The following PRKCZ variants were observed in gnomAD, a reference collection of about 807,000 sequenced individuals.
The protein encoded by PRKCZ is protein kinase C zeta type.
PRKCZ carries 33 observed loss-of-function variants against 79.5 expected under a neutral mutation model. The ratio of observed to expected loss-of-function variants is 0.41; its 90% CI spans 0.31 to 0.55. The LOEUF is 0.55. Ranked by LOEUF, PRKCZ falls within the 20% of genes least tolerant of loss-of-function variation. PRKCZ has a pLI of 0.19. For missense variants in PRKCZ, 578 were observed against 813.5 expected (o/e 0.71, Z 3.52); for synonymous variants, 342 against 320.9 (o/e 1.07, Z -0.70).
At chr1:2,050,076 C>G (rs1020124188), upstream of PRKCZ, 1 of 152,258 alleles carries the variant, frequency 6.6e-6, no homozygotes, top group Non-Finnish European at 1.5e-5. Context: ...GCAGGAGTTT[C>G]GATTCGGAGG....
intron 4 of PRKCZ, among the ~76,000 whole-genome samples, chr1:2,103,212 C>T (rs1170253074): frequency 2.0e-5 from 3 of 152,156 alleles, no homozygotes; most frequent in African/African-American, 7.2e-5. Flanking sequence ...CACAGTGGGT[C>T]TTACACTGTG....
At chr1:2,130,466 C>CA (rs1167223094) in intron 4 of PRKCZ, among the ~76,000 whole-genome samples, 2 of 152,242 alleles carry the variant, frequency 1.3e-5, no homozygotes, top group African/African-American at 4.8e-5. Context: ...GATGCCTGCC[C>CA]AAAACTCCCA....
intron 4 of PRKCZ, chr1:2,073,839 G>A: frequency 9.5e-7 from 1 of 1,051,116 alleles, no homozygotes. Flanking sequence ...CGCAGCATCA[G>A]CTCGTCAACG....
At chr1:2,116,326 G>A (rs1236049762) in intron 4 of PRKCZ, 2 of 152,206 alleles carry the variant, frequency 1.3e-5, no homozygotes, top group Non-Finnish European at 2.9e-5. Flanking sequence ...CTGCTTCTCC[G>A]AGGCTCCCGG....
chr1:2,074,414 G>T, intron 4 of PRKCZ: 8 of 1,245,032 alleles, frequency 6.4e-6, no homozygotes, highest in Non-Finnish European at 8.9e-6. Flanking sequence ...CACTGTGGCC[G>T]ATGCTTTTTG....
intron 4 of PRKCZ, among the ~76,000 whole-genome samples, chr1:2,134,181 G>T (rs981181481): frequency 6.6e-6 from 1 of 152,236 alleles, no homozygotes; most frequent in African/African-American, 2.4e-5. Flanking sequence ...TCTTTGACCT[G>T]CGCTCCTGGA....
At chr1:2,116,368 G>C (rs1670769948) in intron 4 of PRKCZ, 1 of 152,244 alleles carries the variant, frequency 6.6e-6, no homozygotes, top group Admixed American at 6.5e-5. Flanking sequence ...AAAGGTGCCT[G>C]TTCCAGTCTT....
At chr1:2,081,912 G>A (rs1282303634) in intron 4 of PRKCZ, among the ~76,000 whole-genome samples, 1 of 152,240 alleles carries the variant, frequency 6.6e-6, no homozygotes, top group Non-Finnish European at 1.5e-5. Flanking sequence ...GCAGAAATGG[G>A]CAGAGAGCGG....
At chr1:2,153,947 A>G (rs1157682322) in intron 9 of PRKCZ, among the ~76,000 whole-genome samples, 1 of 152,212 alleles carries the variant, frequency 6.6e-6, no homozygotes, top group Admixed American at 6.5e-5. Flanking sequence ...CCCAGGAGTC[A>G]CTGGCAAGCC....
chr1:2,067,313 C>T (rs1235744935), intron 4 of PRKCZ, among the ~76,000 whole-genome samples: 2 of 152,198 alleles, frequency 1.3e-5, no homozygotes, highest in Non-Finnish European at 2.9e-5. Flanking sequence ...TGTTTCTTTA[C>T]GTGTTCTCCC....
chr1:2,117,442 T>TG (rs1245974896), intron 4 of PRKCZ, among the ~76,000 whole-genome samples: 4 of 152,102 alleles, frequency 2.6e-5, no homozygotes, highest in African/African-American at 9.7e-5. Flanking sequence ...TGGCCTCTCC[T>TG]GGTCCCCGTA....
rs61775405 is a variant in PRKCZ at position 2,094,168 on chromosome 1, G to A, written c.334+34577G>A. ...AGCCCTCCGTCGCCATCCCTCCCCC[G>A]TCCCGGGAGCAGCCCCCCCACTTCC... On this transcript the variant is annotated intron_variant, in intron 4 of 17. Coordinates refer to ENST00000378567, the MANE Select transcript of PRKCZ (RefSeq NM_002744.6). The surrounding 1 kb of genome is among the most constrained non-coding windows in gnomAD (Gnocchi z 7.3). Among the ~76,000 whole-genome samples the A allele has an allele frequency of 0.083, 12,662 of 152,036 alleles. 714 individuals are homozygous for A. Among genetic ancestry groups the A allele is most frequent in the Non-Finnish European group, 0.11 (7,804 of 67,942 alleles).
chr1:2,138,795 G>A lies in PRKCZ; in HGVS notation c.420+3448G>A, dbSNP rs537174103. Among the ~76,000 whole-genome samples, 29 of 152,306 alleles carry A rather than the reference G, an allele frequency of 1.9e-4. No homozygotes were observed. The South Asian group carries it at 2.9e-3, about 15-fold the overall frequency. ...CTAAAAATACAAAAATTAGCCAGGC[G>A]TGGTGGCACGTGCCTGTAATCCCAG... On this transcript the variant is annotated intron_variant, in intron 5 of 17. Coordinates refer to ENST00000378567, the MANE Select transcript of PRKCZ (RefSeq NM_002744.6).
chr1:2,166,248 T>G (rs1254620226), intron 10 of PRKCZ, among the ~76,000 whole-genome samples: 1 of 152,080 alleles, frequency 6.6e-6, no homozygotes, highest in East Asian at 1.9e-4. Context: ...TCGAGACCCT[T>G]TCTCTACAAA....
intron 4 of PRKCZ, among the ~76,000 whole-genome samples, chr1:2,088,989 C>G (rs1269677693): frequency 6.6e-6 from 1 of 152,162 alleles, no homozygotes; most frequent in Non-Finnish European, 1.5e-5. Flanking sequence ...TCATTCTGGT[C>G]TTCTATACTA....
intron 4 of PRKCZ, among the ~76,000 whole-genome samples, chr1:2,124,653 T>A (rs1445835093): frequency 6.6e-6 from 1 of 152,154 alleles, no homozygotes; most frequent in Non-Finnish European, 1.5e-5. Context: ...TGTGGTATTT[T>A]GCTGTGGTGG....
At chr1:2,126,487 C>T (rs1295995593) in intron 4 of PRKCZ, among the ~76,000 whole-genome samples, 2 of 152,034 alleles carry the variant, frequency 1.3e-5, no homozygotes, top group Non-Finnish European at 2.9e-5. Context: ...GGGGACCCTG[C>T]CCCGCCGACC....
At chr1:2,122,159 G>A (rs187581686) in intron 4 of PRKCZ, among the ~76,000 whole-genome samples, 1 of 14,768 alleles carries the variant, frequency 6.8e-5, no homozygotes, top group Admixed American at 9.6e-4. Flanking sequence ...GGGTCGTGGT[G>A]GTTAGGGTCG....
At chr1:2,088,755 T>C (rs1369871085) in intron 4 of PRKCZ, among the ~76,000 whole-genome samples, 2 of 152,138 alleles carry the variant, frequency 1.3e-5, no homozygotes, top group African/African-American at 2.4e-5. Context: ...GTCTCTTCAC[T>C]CACAGACTCC....
Sources: gnomAD v4.1 joint callset for allele counts (sites outside exome capture counted in the v4.1 genomes callset) on GRCh38, gnomAD v4.1.1 for gene constraint, Gnocchi (gnomAD v3.1) non-coding constraint, MANE v1.5 for transcripts, NCBI Gene and HGNC (gene_info 2026-07-23, HGNC 2026-07-21) for gene names.